Variants in FBXO21 observed in about 807,000 individuals in gnomAD.
FBXO21 encodes F-box only protein 21.
FBXO21 carries 32 observed loss-of-function variants against 76.6 expected under a neutral mutation model. That is an observed-to-expected ratio of 0.42 (90% CI 0.32 to 0.56). FBXO21 has a LOEUF of 0.56. Among genes scored for constraint, FBXO21 ranks in the 20% least tolerant of loss-of-function variants. The pLI, the probability that FBXO21 is intolerant of heterozygous loss-of-function variation, is 0.16. For synonymous variants in FBXO21, 328 were observed against 311.5 expected (o/e 1.05, Z -0.56); for missense variants, 586 against 797.3 (o/e 0.73, Z 3.19).
At position 117,146,191 on chromosome 12, in the gene FBXO21, T is replaced by A. The variant is rs1443868747; in HGVS notation, c.1762A>T (p.Ile588Phe). 1 of 1,614,090 alleles carries A rather than the reference T, an allele frequency of 6.2e-7. No individual in the cohort carries two copies. The highest frequency in any genetic ancestry group is 1.1e-5 in the South Asian group (1 of 91,072). Reference sequence around the variant, plus strand: ...CGGATCTCCAGCTCTGCGTTTGGGATGTAGTGAGTGCCAGTAAACTCTGAG... The same window carrying A: ...CGGATCTCCAGCTCTGCGTTTGGGAAGTAGTGAGTGCCAGTAAACTCTGAG... The part of the protein sequence containing the change: ...YFSEFTGTHY[I>F]PNAELEIRYP... The change falls in exon 12 of 12, where the codon ATC becomes TTC. Residue 588 changes from isoleucine to phenylalanine, a missense_variant. Coordinates refer to ENST00000622495, the MANE Select transcript of FBXO21 (RefSeq NM_015002.3).
intron 2 of FBXO21, among the ~76,000 whole-genome samples, chr12:117,188,272 C>T (rs939886522): frequency 2.0e-5 from 3 of 152,184 alleles, no homozygotes; most frequent in Non-Finnish European, 2.9e-5. Flanking sequence ...AGGCCAGGCA[C>T]GGTGGCTCAC....
rs548711262 is a variant in FBXO21, at chr12:117,163,204, A to C, written c.1326+2281T>G. 2.0e-5 allele frequency among the ~76,000 whole-genome samples: 3 copies of C among 152,372 alleles called. No individual in the cohort carries two copies. In the South Asian group the frequency reaches 6.2e-4, roughly 32 times the overall value. On this transcript the variant is annotated intron_variant, in intron 9 of 11. Coordinates refer to ENST00000622495, the MANE Select transcript of FBXO21 (RefSeq NM_015002.3). ...GGGATGTTAATAGCATCACTTCGAC[A>C]ATGACTCAAAATTTAACTATCAAAT...
In FBXO21 at chr12:117,144,927, C is replaced by T. The variant is rs1420758716; in HGVS notation, c.*1160G>A. 1 of 152,196 alleles carries T rather than the reference C, an allele frequency of 6.6e-6. No individual in the cohort carries two copies. The highest frequency in any genetic ancestry group is 1.9e-4 in the East Asian group (1 of 5,200). The allele number at this position is 152,196 out of a possible 1,614,324, so 9.4% of individuals were successfully genotyped here. On this transcript the variant is annotated 3_prime_UTR_variant, in exon 12 of 12. Coordinates refer to ENST00000622495, the MANE Select transcript of FBXO21 (RefSeq NM_015002.3). The stretch of plus-strand genomic sequence containing the variant: ...GCTTGGAAAAGCAGATTCCAACACG[C>T]ACATCTCCTTTCACACAAGTCCAAC...
chr12:117,189,139 A>G (rs1956319063), intron 2 of FBXO21, 88 bp downstream of exon 2: 1 of 1,472,152 alleles, frequency 6.8e-7, no homozygotes, highest in South Asian at 1.2e-5. Context: ...AAAGGGAGAT[A>G]CGAAAAGAGC....
intron 11 of FBXO21, among the ~76,000 whole-genome samples, chr12:117,148,540 C>T (rs1446381738): frequency 1.3e-5 from 2 of 152,240 alleles, no homozygotes; most frequent in Admixed American, 6.5e-5. Flanking sequence ...AGGGGTTGCT[C>T]CATGACGTGG....
chr12:117,186,848 C>T (rs773897942), intron 2 of FBXO21, among the ~76,000 whole-genome samples: 2 of 152,184 alleles, frequency 1.3e-5, no homozygotes, highest in African/African-American at 2.4e-5. Flanking sequence ...TAGCTCTGGC[C>T]GGCCATAGTG....
rs117329242 is a variant in FBXO21 at position 117,145,897 on chromosome 12, A to C, written c.*190T>G. ...GATTAATTCACTAGTGTAGGCGGAG[A>C]GCAACATTGTCTTTGCAGCTGGGGA... On this transcript the variant is annotated 3_prime_UTR_variant, in exon 12 of 12. Transcript: ENST00000622495. 2.8e-3 allele frequency: 1,381 copies of C among 493,456 alleles called. 24 individuals carry two copies. The East Asian group carries it at 0.031, about 11-fold the overall frequency. The allele number at this position is 493,456 out of a possible 1,614,324, so 30.6% of individuals were successfully genotyped here. A position where few individuals can be genotyped will look rare whatever the true frequency, so the allele number is the denominator to read the frequency against.
intron 3 of FBXO21, among the ~76,000 whole-genome samples, chr12:117,183,686 T>C (rs542279965): frequency 6.6e-6 from 1 of 152,356 alleles, no homozygotes; most frequent in East Asian, 1.9e-4. Context: ...TTCTACTGAC[T>C]TCGTTCATGC....
rs777997925 is a variant in FBXO21 at position 117,174,346 on chromosome 12, AAC to A, written c.740-7_740-6del. Reference sequence around the variant, plus strand: ...CCATTATCATGGATGATTCACCTGAAACACAGAGATCTACTCTGGGACCCAAG... The same window carrying A: ...CCATTATCATGGATGATTCACCTGAAACAGAGATCTACTCTGGGACCCAAG... On this transcript the variant is annotated splice_region_variant and splice_polypyrimidine_tract_variant and intron_variant, in intron 5 of 11. Coordinates refer to ENST00000622495, the MANE Select transcript of FBXO21 (RefSeq NM_015002.3). The A allele has an allele frequency of 2.1e-5, 34 of 1,613,800 alleles. No homozygotes were observed. Among genetic ancestry groups the A allele is most frequent in the Non-Finnish European group, 2.6e-5 (31 of 1,179,952 alleles).
intron 9 of FBXO21, among the ~76,000 whole-genome samples, chr12:117,163,717 C>T (rs1300658154): frequency 3.3e-5 from 5 of 151,822 alleles, no homozygotes; most frequent in Admixed American, 6.6e-5. Context: ...CCGAGGAACG[C>T]AGACTGCTTG....
intron 3 of FBXO21, 73 bp downstream of exon 3, chr12:117,186,404 G>C: frequency 3.0e-6 from 3 of 1,008,636 alleles, no homozygotes; most frequent in East Asian, 2.4e-5. Context: ...CCAGGGTTTA[G>C]CCACACAGAA....
At position 117,155,828 on chromosome 12, in the gene FBXO21, C is replaced by G. The variant is rs1167335828; in HGVS notation, c.1638G>C (p.Val546=). 1 of 1,614,160 alleles carries G rather than the reference C, an allele frequency of 6.2e-7. No homozygotes were observed. The highest frequency in any genetic ancestry group is 1.7e-5 in the Admixed American group (1 of 60,028). Reference sequence around the variant, plus strand: ...ATCGACAGGAGCCGTCCTCCACCAGCACGTTATAGAAAGGCTGGTGGTGGC... The same window carrying G: ...ATCGACAGGAGCCGTCCTCCACCAGGACGTTATAGAAAGGCTGGTGGTGGC... ...PHGHHQPFYN[V]LVEDGSCRYA... The change falls in exon 11 of 12, where the codon GTG becomes GTC. Residue 546 remains valine, a synonymous_variant. Coordinates refer to ENST00000622495, the MANE Select transcript of FBXO21 (RefSeq NM_015002.3).
intron 7 of FBXO21, among the ~76,000 whole-genome samples, chr12:117,170,145 G>GAAAAAA (rs58416861): frequency 1.1e-4 from 7 of 64,668 alleles, no homozygotes; most frequent in South Asian, 5.3e-4. Context: ...ATTTACAACT[G>GAAAAAA]AAAAAAAAAA....
rs1014955077 is a variant in FBXO21, at chr12:117,142,529, A to G, written c.*3558T>C. On this transcript the variant is annotated 3_prime_UTR_variant, in exon 12 of 12. Transcript: ENST00000622495. ...TTTATAGGATTGCTGGGAGGATTAC[A>G]AAGACTTTATTAGGCCAGTGCCCGG... 2 of 152,214 alleles carry G rather than the reference A, an allele frequency of 1.3e-5. No individual in the cohort carries two copies. The highest frequency in any genetic ancestry group is 2.9e-5 in the Non-Finnish European group (2 of 68,056). The allele number at this position is 152,214 out of a possible 1,614,324, so 9.4% of individuals were successfully genotyped here.
chr12:117,167,862 C>G (rs559968141), intron 7 of FBXO21, among the ~76,000 whole-genome samples: 1 of 152,322 alleles, frequency 6.6e-6, no homozygotes, highest in South Asian at 2.1e-4. Context: ...GGGCTGGGAA[C>G]CCTGTGCTAG....
At chr12:117,152,452 C>T (rs1480926883) in intron 11 of FBXO21, among the ~76,000 whole-genome samples, 3 of 146,022 alleles carry the variant, frequency 2.1e-5, no homozygotes, top group Non-Finnish European at 3.0e-5. Context: ...GGTGACAGAG[C>T]ACCCTGTCTC....
At chr12:117,153,829 T>C (rs1955877584) in intron 11 of FBXO21, among the ~76,000 whole-genome samples, 1 of 152,266 alleles carries the variant, frequency 6.6e-6, no homozygotes, top group African/African-American at 2.4e-5. Context: ...TCCATCTCAA[T>C]TTAACAGATG....
At chr12:117,176,937 T>C (rs1396030448) in intron 4 of FBXO21, among the ~76,000 whole-genome samples, 1 of 149,770 alleles carries the variant, frequency 6.7e-6, no homozygotes, top group Non-Finnish European at 1.5e-5. Context: ...TATGGGAATG[T>C]TTGTGTAATA....
rs1955911757 is a variant in FBXO21, at chr12:117,155,998, A to G, written c.1518-50T>C. The G allele has an allele frequency of 1.9e-6, 3 of 1,580,806 alleles. No homozygotes were observed. The African/African-American group carries it at 4.0e-5, about 21-fold the overall frequency. On this transcript the variant is annotated intron_variant, in intron 10 of 11. Coordinates refer to ENST00000622495, the MANE Select transcript of FBXO21 (RefSeq NM_015002.3). ...AGTCCCTGCAGACCCGGCCGCAACA[A>G]CCTCCAGACAACCGCGTGGCTTCTC... is the stretch of plus-strand genomic sequence containing the variant.
Sources: gnomAD v4.1 joint callset for allele counts (sites outside exome capture counted in the v4.1 genomes callset) on GRCh38, gnomAD v4.1.1 for gene constraint, MANE v1.5 for transcripts, NCBI Gene and HGNC (gene_info 2026-07-23, HGNC 2026-07-21) for gene names.